The following AKAP13 variants were observed in gnomAD, a reference collection of about 807,000 sequenced individuals.
The protein encoded by AKAP13 is A-kinase anchoring protein 13, also known as A-kinase anchor protein 13.
AKAP13 carries 80 observed loss-of-function variants against 264.5 expected under a neutral mutation model. That is an observed-to-expected ratio of 0.30 (90% confidence interval 0.25 to 0.36). The LOEUF (loss-of-function observed/expected upper bound fraction) is 0.36. Ranked by LOEUF, AKAP13 falls within the 10% of genes least tolerant of loss-of-function variation. The probability of loss-of-function intolerance (pLI) is 1.00; values close to 1 mark genes in which losing one functional copy is unlikely to be tolerated. For missense variants in AKAP13, 3,712 were observed against 3,435.2 expected (o/e 1.08, Z -2.01); for synonymous variants, 1,380 against 1,250.2 (o/e 1.10, Z -2.19).
At chr15:85,741,968 C>T (rs988606303) in intron 35 of AKAP13, among the ~76,000 whole-genome samples, 4 of 152,038 alleles carry the variant, frequency 2.6e-5, no homozygotes, top group African/African-American at 9.7e-5. Context: ...TCGCTTGAAC[C>T]GGGGAGGTGG....
At chr15:85,428,613 A>G (rs2072898568) in intron 1 of AKAP13, among the ~76,000 whole-genome samples, 1 of 152,252 alleles carries the variant, frequency 6.6e-6, no homozygotes. Flanking sequence ...CTGGGGGTTT[A>G]AATGATCATT....
At chr15:85,649,606 T>C (rs2082713584) in intron 10 of AKAP13, among the ~76,000 whole-genome samples, 2 of 152,218 alleles carry the variant, frequency 1.3e-5, no homozygotes, top group Non-Finnish European at 2.9e-5. Context: ...CAGAGGTCTT[T>C]AACAGCCCGT....
intron 30 of AKAP13, among the ~76,000 whole-genome samples, chr15:85,734,602 C>T (rs1309305453): frequency 6.6e-6 from 1 of 152,230 alleles, no homozygotes; most frequent in African/African-American, 2.4e-5. Flanking sequence ...CCCTTGAACT[C>T]ACTCCATATT....
intron 2 of AKAP13, among the ~76,000 whole-genome samples, chr15:85,486,372 T>A (rs2075545885): frequency 6.6e-6 from 1 of 152,204 alleles, no homozygotes; most frequent in South Asian, 2.1e-4. Context: ...CTAGGAATTG[T>A]ATAGGTTTAG....
chr15:85,619,247 T>C (rs16942230), intron 8 of AKAP13: 26,354 of 434,716 alleles, frequency 0.061, 1,322 homozygotes, highest in East Asian at 0.36. Context: ...ACAACTGCAA[T>C]TGGGTTTTCA....
chr15:85,639,915 C>G (rs1287764533), intron 9 of AKAP13, among the ~76,000 whole-genome samples: 2 of 152,164 alleles, frequency 1.3e-5, no homozygotes, highest in African/African-American at 4.8e-5. Context: ...TTTGATTACC[C>G]TGCTGTGTAC....
chr15:85,685,479 TG>T (rs2084852981), intron 16 of AKAP13: 2 of 149,126 alleles, frequency 1.3e-5, no homozygotes, highest in Non-Finnish European at 2.9e-5. Context: ...TGTGTGTGTG[TG>T]TGTGTGTGTC....
intron 2 of AKAP13, among the ~76,000 whole-genome samples, chr15:85,512,920 G>A (rs1472854046): frequency 6.6e-6 from 1 of 151,320 alleles, no homozygotes; most frequent in Non-Finnish European, 1.5e-5. Context: ...GCAGTGGTGT[G>A]ATCTCGGCTC....
In AKAP13 at chr15:85,722,026, A is replaced by G. The variant is rs772302583; in HGVS notation, c.6288A>G (p.Thr2096=). ...SGENAERLKK[T]YGKFCGQHNQ... ...AGAATGCAGAACGTTTAAAGAAGAC[A>G]TATGGCAAGTTTTGTGGGCAACATA... Residue 2096 remains threonine (T), a synonymous_variant, in exon 24 of 37, where the codon ACA becomes ACG. Transcript: ENST00000394518. The G allele has an allele frequency of 3.7e-6, 6 of 1,614,184 alleles. No homozygotes were observed. In the South Asian group the frequency reaches 4.4e-5, roughly 12 times the overall value.
chr15:85,693,523 G>T (rs1188112392), intron 17 of AKAP13, 72 bp downstream of exon 17: 3 of 1,576,282 alleles, frequency 1.9e-6, no homozygotes, highest in Non-Finnish European at 2.6e-6. Flanking sequence ...CTTGTTTCCT[G>T]TCCCCACTCA....
intron 21 of AKAP13, among the ~76,000 whole-genome samples, 187 bp from the exon 22 acceptor site, chr15:85,717,820 C>T (rs1441701619): frequency 6.6e-6 from 1 of 152,146 alleles, no homozygotes; most frequent in African/African-American, 2.4e-5. Flanking sequence ...ACCTAAGTCT[C>T]GAATGTAGAG....
Position 85,581,444 on chromosome 15 carries a change from A to G in AKAP13, c.3376A>G (p.Lys1126Glu). Residue 1126 changes from lysine (K) to glutamate (E), a missense_variant, in exon 7 of 37, where the codon AAG (lysine) becomes GAG (glutamate). Transcript: ENST00000394518. ...LIPNVLLSQE[K>E]NAVLGLPVAL... ...TCCAAACGTCTTGTTGAGCCAAGAGAAGAATGCCGTTCTAGGTTTGCCAGT... is the reference window on the plus strand; with the variant it reads ...TCCAAACGTCTTGTTGAGCCAAGAGGAGAATGCCGTTCTAGGTTTGCCAGT... 1 of 1,614,186 alleles carries G rather than the reference A, an allele frequency of 6.2e-7. No homozygotes were observed. Among genetic ancestry groups the G allele is most frequent in the South Asian group, 1.1e-5 (1 of 91,072 alleles).
intron 9 of AKAP13, among the ~76,000 whole-genome samples, chr15:85,642,572 T>C (rs1230263805): frequency 6.6e-6 from 1 of 152,258 alleles, no homozygotes; most frequent in Non-Finnish European, 1.5e-5. Context: ...TAGGGGGTTA[T>C]AATGGTTTAC....
chr15:85,707,988 C>G (rs747870810), intron 17 of AKAP13, 31 bp from the exon 18 acceptor site: 2 of 1,611,522 alleles, frequency 1.2e-6, no homozygotes. Context: ...TTTGCTTTGT[C>G]CATGTGACCT....
At position 85,742,817 on chromosome 15, in the gene AKAP13, T is replaced by C. The variant is rs559095664; in HGVS notation, c.8059-675T>C. 1.2e-4 allele frequency among the ~76,000 whole-genome samples: 19 copies of C among 152,222 alleles called. No homozygotes were observed. In the South Asian group the frequency reaches 3.9e-3, roughly 32 times the overall value. The stretch of plus-strand genomic sequence containing the variant: ...ATTGATCTTGGACCACGAAAGAAAA[T>C]TATACTGACAGCTTCCAGGGTAGGG... On this transcript the variant is annotated intron_variant, in intron 35 of 36. Coordinates refer to ENST00000394518, the MANE Select transcript of AKAP13 (RefSeq NM_007200.5).
At chr15:85,686,347 T>C (rs904622802) in intron 16 of AKAP13, among the ~76,000 whole-genome samples, 10 of 152,236 alleles carry the variant, frequency 6.6e-5, no homozygotes, top group Non-Finnish European at 1.5e-4. Flanking sequence ...TGCACTAAGC[T>C]TCTCAAGCCC....
At chr15:85,677,643 T>C (rs1421237562) in intron 14 of AKAP13, among the ~76,000 whole-genome samples, 1 of 138,476 alleles carries the variant, frequency 7.2e-6, no homozygotes, top group Admixed American at 6.8e-5. Flanking sequence ...TGAGTGTGTG[T>C]TGTGTTTTTT....
At chr15:85,548,630 T>C (rs756313312) in intron 5 of AKAP13, among the ~76,000 whole-genome samples, 1 of 152,204 alleles carries the variant, frequency 6.6e-6, no homozygotes, top group Non-Finnish European at 1.5e-5. Flanking sequence ...TGTTAAACTC[T>C]AAGATACTCT....
intron 3 of AKAP13, among the ~76,000 whole-genome samples, chr15:85,532,114 G>A (rs1385825158): frequency 6.6e-6 from 1 of 152,188 alleles, no homozygotes; most frequent in Admixed American, 6.5e-5. Flanking sequence ...TAAAATTGTT[G>A]TGGAGAGATG....
Sources: allele counts gnomAD v4.1 joint callset (sites outside exome capture counted in the v4.1 genomes callset), GRCh38; gene constraint gnomAD v4.1.1; transcripts MANE v1.5; gene names NCBI Gene and HGNC (gene_info 2026-07-23, HGNC 2026-07-21).